PEAK1: variants seen among roughly 807,000 people sequenced by gnomAD.
PEAK1 encodes pseudopodium enriched atypical kinase 1.
PEAK1 carries 54 observed loss-of-function variants against 124.7 expected under a neutral mutation model. The observed-to-expected ratio is 0.43, with a 90% confidence interval of 0.35 to 0.54. The LOEUF is 0.54. Among genes scored for constraint, PEAK1 ranks in the 20% least tolerant of loss-of-function variants. PEAK1 has a pLI of 0.01. For missense variants in PEAK1, 2,046 were observed against 2,134.5 expected (o/e 0.96, Z 0.82); for synonymous variants, 719 against 760.0 (o/e 0.95, Z 0.89).
chr15:77,307,727 T>C (rs1438628894), intron 2 of PEAK1, among the ~76,000 whole-genome samples: 1 of 152,046 alleles, frequency 6.6e-6, no homozygotes, highest in Non-Finnish European at 1.5e-5. Flanking sequence ...GCATTTTAGC[T>C]TTTGCATGTA....
intron 1 of PEAK1, among the ~76,000 whole-genome samples, chr15:77,407,881 T>TAA (rs2071960631): frequency 4.9e-5 from 4 of 81,224 alleles, no homozygotes; most frequent in African/African-American, 1.1e-4. Context: ...AGATAAAGCA[T>TAA]GATATATATA....
At chr15:77,414,448 C>T (rs2072714825) in intron 1 of PEAK1, among the ~76,000 whole-genome samples, 1 of 150,962 alleles carries the variant, frequency 6.6e-6, no homozygotes, top group African/African-American at 2.4e-5. Context: ...TCTTAATGTC[C>T]TGACCTCAAC....
At chr15:77,147,491 G>T (rs767335404) in intron 8 of PEAK1, among the ~76,000 whole-genome samples, 34 of 152,182 alleles carry the variant, frequency 2.2e-4, no homozygotes, top group Admixed American at 1.2e-3. Context: ...CCTGATTTTC[G>T]CAGTCTGATA....
At chr15:77,128,487 A>T (rs1048662972) in intron 9 of PEAK1, among the ~76,000 whole-genome samples, 5 of 152,192 alleles carry the variant, frequency 3.3e-5, no homozygotes, top group African/African-American at 1.2e-4. Flanking sequence ...GTAGGCTAGG[A>T]TAACCATGAC....
intron 1 of PEAK1, among the ~76,000 whole-genome samples, chr15:77,382,733 G>A (rs114300776): frequency 0.01 from 1,560 of 151,888 alleles, 32 homozygotes; most frequent in African/African-American, 0.036. Context: ...AAGAATCCTC[G>A]GTATTCTTCC....
rs1567112480 is a variant in PEAK1 at position 77,205,280 on chromosome 15, A to ATTTTT, written c.-114-23241_-114-23240insAAAAA. Among the ~76,000 whole-genome samples, 233 of 151,450 alleles carry ATTTTT rather than the reference A, an allele frequency of 1.5e-3. 1 individual carries two copies. Among genetic ancestry groups the ATTTTT allele is most frequent in the Non-Finnish European group, 2.1e-3 (145 of 67,760 alleles). On this transcript the variant is annotated intron_variant, in intron 6 of 9. Coordinates refer to ENST00000682557, the MANE Select transcript of PEAK1 (RefSeq NM_001385026.1). ...TAAGATCAAATGCCTTTTTTTAAAA[A>ATTTTT]AAAAAAAAAAGAAGTTAAATAATTT...
chr15:77,292,460 G>A (rs1005758230), intron 2 of PEAK1, among the ~76,000 whole-genome samples: 1 of 152,002 alleles, frequency 6.6e-6, no homozygotes, highest in African/African-American at 2.4e-5. Context: ...GACAACACTG[G>A]GGGCCATTTG....
intron 6 of PEAK1, among the ~76,000 whole-genome samples, chr15:77,247,492 T>C (rs987755495): frequency 1.5e-5 from 2 of 132,542 alleles, no homozygotes; most frequent in African/African-American, 2.8e-5. Context: ...TTTCTTTTTT[T>C]TTTTTTTTTT....
At chr15:77,134,900 G>C (rs2053185274) in intron 8 of PEAK1, among the ~76,000 whole-genome samples, 2 of 152,138 alleles carry the variant, frequency 1.3e-5, no homozygotes, top group South Asian at 4.1e-4. Context: ...AATCCAATAT[G>C]GCTGATGTCC....
At chr15:77,204,102 A>G (rs1225864782) in intron 6 of PEAK1, among the ~76,000 whole-genome samples, 8 of 150,318 alleles carry the variant, frequency 5.3e-5, no homozygotes, top group Admixed American at 2.0e-4. Flanking sequence ...AAGTGTGCAA[A>G]AGACCTGAAG....
rs567945572 is a variant in PEAK1 at position 77,263,055 on chromosome 15, T to C, written c.-274-10529A>G. Among the ~76,000 whole-genome samples, 6 of 152,108 alleles carry C rather than the reference T, an allele frequency of 3.9e-5. No individual in the cohort carries two copies. The East Asian group carries it at 7.7e-4, about 20-fold the overall frequency. ...AAATAAAGATGTTCTTTGAAACCAA[T>C]GAGAACAAAGACACAACATACCAGA... On this transcript the variant is annotated intron_variant, in intron 5 of 9. Coordinates refer to ENST00000682557, the MANE Select transcript of PEAK1 (RefSeq NM_001385026.1).
At chr15:77,320,606 T>C (rs1393092109) in intron 2 of PEAK1, among the ~76,000 whole-genome samples, 1 of 152,204 alleles carries the variant, frequency 6.6e-6, no homozygotes, top group Non-Finnish European at 1.5e-5. Context: ...AGCAGCTAAC[T>C]GAGCCTCACA....
At chr15:77,366,768 C>T (rs1017802557) in intron 1 of PEAK1, among the ~76,000 whole-genome samples, 36 of 152,082 alleles carry the variant, frequency 2.4e-4, no homozygotes, top group African/African-American at 8.2e-4. Context: ...ATGTTGTCCA[C>T]GAAGACTGGT....
At chr15:77,240,493 G>A (rs2060307098) in intron 6 of PEAK1, among the ~76,000 whole-genome samples, 1 of 151,722 alleles carries the variant, frequency 6.6e-6, no homozygotes, top group African/African-American at 2.4e-5. Context: ...AGTGGCTTGT[G>A]TCTTTAGTCT....
chr15:77,116,358 A>AT (rs369408553), intron 9 of PEAK1, among the ~76,000 whole-genome samples: 368 of 152,320 alleles, frequency 2.4e-3, no homozygotes, highest in African/African-American at 8.3e-3. Flanking sequence ...CTGCCACATT[A>AT]CAAATATCAA....
intron 2 of PEAK1, among the ~76,000 whole-genome samples, chr15:77,321,187 G>A (rs1004671635): frequency 6.6e-6 from 1 of 152,182 alleles, no homozygotes; most frequent in Non-Finnish European, 1.5e-5. Context: ...TAATGGGATG[G>A]CTGGGTCAAA....
intron 6 of PEAK1, among the ~76,000 whole-genome samples, chr15:77,204,405 C>T (rs2058525538): frequency 6.6e-6 from 1 of 152,186 alleles, no homozygotes; most frequent in Non-Finnish European, 1.5e-5. Flanking sequence ...GGCATTTACC[C>T]AAAAGAGCTG....
chr15:77,121,826 TAGGGAATG>T (rs2051944751), intron 9 of PEAK1, among the ~76,000 whole-genome samples: 1 of 152,152 alleles, frequency 6.6e-6, no homozygotes, highest in Non-Finnish European at 1.5e-5. Context: ...ATGGATGCTA[TAGGGAATG>T]AATTGTGGAG....
chr15:77,165,047 G>C (rs542699207), intron 7 of PEAK1, among the ~76,000 whole-genome samples: 1 of 152,046 alleles, frequency 6.6e-6, no homozygotes, highest in Non-Finnish European at 1.5e-5. Flanking sequence ...GGGATGACAG[G>C]TGCCCACCAC....
Sources: allele counts gnomAD v4.1 joint callset (sites outside exome capture counted in the v4.1 genomes callset), GRCh38; gene constraint gnomAD v4.1.1; transcripts MANE v1.5; gene names NCBI Gene and HGNC (gene_info 2026-07-23, HGNC 2026-07-21).